The following ASAP2 variants were observed in gnomAD, a reference collection of about 807,000 sequenced individuals.
ASAP2 encodes the protein ArfGAP with SH3 domain, ankyrin repeat and PH domain 2.
A neutral mutation model predicts 131.4 loss-of-function variants in ASAP2; 45 were observed. The observed-to-expected ratio is 0.34, with a 90% CI of 0.27 to 0.44. The LOEUF is 0.44. ASAP2 is among the 20% of genes least tolerant of loss of function. The pLI, the probability that ASAP2 is intolerant of heterozygous loss-of-function variation, is 1.00. For missense variants in ASAP2, 1,011 were observed against 1,297.0 expected (o/e 0.78, Z 3.39); for synonymous variants, 510 against 503.0 (o/e 1.01, Z -0.19).
intron 1 of ASAP2, among the ~76,000 whole-genome samples, chr2:9,235,621 A>G (rs1336728818): frequency 6.6e-6 from 1 of 151,968 alleles, no homozygotes; most frequent in Non-Finnish European, 1.5e-5. Context: ...GGGGCACGTG[A>G]GCTGCTGTGG....
At chr2:9,343,704 C>T (rs1037429697) in intron 9 of ASAP2, among the ~76,000 whole-genome samples, 1 of 152,228 alleles carries the variant, frequency 6.6e-6, no homozygotes, top group African/African-American at 2.4e-5. Context: ...ACCTTGGTCT[C>T]CCCAGATGTT....
At chr2:9,212,382 C>T (rs1192575752) in intron 1 of ASAP2, among the ~76,000 whole-genome samples, 3 of 152,078 alleles carry the variant, frequency 2.0e-5, no homozygotes, top group Admixed American at 6.6e-5. Flanking sequence ...TATATGATGT[C>T]GTACCGTTGA....
chr2:9,249,666 A>G (rs1412101447), intron 1 of ASAP2, among the ~76,000 whole-genome samples: 1 of 152,248 alleles, frequency 6.6e-6, no homozygotes, highest in Non-Finnish European at 1.5e-5. Context: ...GAAAGTTCAC[A>G]GCCTGAGTGA....
chr2:9,254,353 CTTTTT>C (rs777033631), intron 1 of ASAP2, among the ~76,000 whole-genome samples: 2 of 103,952 alleles, frequency 1.9e-5, no homozygotes, highest in South Asian at 3.3e-4. Context: ...ATAAACTAAA[CTTTTT>C]TTTTTTTTTT....
In ASAP2 at chr2:9,403,541, G is replaced by A. The variant is rs1676933167; in HGVS notation, c.*214G>A. 1.4e-5 allele frequency: 7 copies of A among 512,436 alleles called. No individual in the cohort carries two copies. The highest frequency in any genetic ancestry group is 2.1e-5 in the Non-Finnish European group (6 of 292,206). 31.7% of individuals were successfully genotyped at this position (512,436 alleles called of 1,614,324 possible). On this transcript the variant is annotated 3_prime_UTR_variant, in exon 28 of 28. Coordinates refer to ENST00000281419, the MANE Select transcript of ASAP2 (RefSeq NM_003887.3). Reference sequence around the variant, plus strand: ...ATGAAACATTGCTATGCATTTATTAGGAAAAACTGAATTTCCCAACAGGTG... The same window carrying A: ...ATGAAACATTGCTATGCATTTATTAAGAAAAACTGAATTTCCCAACAGGTG...
In ASAP2 at chr2:9,218,811, G is replaced by GT. The variant is rs1369782689; in HGVS notation, c.126+11588dup. ...CTTGCTTTTTTTGGCTGTCGTCTCT[G>GT]TTTTTTTCTTTATCTTGACTATTTA... On this transcript the variant is annotated intron_variant, in intron 1 of 27. Transcript: ENST00000281419. Among the ~76,000 whole-genome samples the GT allele has an allele frequency of 3.9e-5, 6 of 152,246 alleles. No homozygotes were observed. The East Asian group carries it at 1.2e-3, about 29-fold the overall frequency.
chr2:9,313,729 T>A (rs768463808), intron 3 of ASAP2, among the ~76,000 whole-genome samples: 1 of 151,558 alleles, frequency 6.6e-6, no homozygotes, highest in Non-Finnish European at 1.5e-5. Flanking sequence ...TGTAGATGAG[T>A]GGGCAGTGAG....
chr2:9,310,471 G>A (rs778584289), intron 3 of ASAP2, among the ~76,000 whole-genome samples: 6 of 152,212 alleles, frequency 3.9e-5, no homozygotes, highest in Non-Finnish European at 7.3e-5. Context: ...GAGCTGGAAA[G>A]ATTCTGCCCA....
intron 1 of ASAP2, among the ~76,000 whole-genome samples, chr2:9,244,858 A>C (rs543227446): frequency 6.6e-6 from 1 of 152,336 alleles, no homozygotes; most frequent in South Asian, 2.1e-4. Flanking sequence ...GGCATCATAA[A>C]AATCATGGTT....
chr2:9,276,546 T>A (rs1013633250), intron 1 of ASAP2, among the ~76,000 whole-genome samples: 2 of 152,088 alleles, frequency 1.3e-5, no homozygotes, highest in African/African-American at 4.8e-5. Context: ...TTTCTCTTTT[T>A]TTTCTTTTTG....
chr2:9,279,996 A>G (rs1021429615), intron 2 of ASAP2, among the ~76,000 whole-genome samples: 3 of 152,210 alleles, frequency 2.0e-5, no homozygotes, highest in East Asian at 3.9e-4. Flanking sequence ...AATATTTTTT[A>G]AAAGTCGTTA....
chr2:9,277,209 C>T (rs1666816781), intron 1 of ASAP2, among the ~76,000 whole-genome samples: 1 of 152,224 alleles, frequency 6.6e-6, no homozygotes. Flanking sequence ...TGCTGTCTGA[C>T]ATGTGGTCTA....
At chr2:9,234,384 A>G (rs958859347) in intron 1 of ASAP2, among the ~76,000 whole-genome samples, 1 of 152,166 alleles carries the variant, frequency 6.6e-6, no homozygotes, top group Non-Finnish European at 1.5e-5. Flanking sequence ...AGCCTGTCGC[A>G]TGGCTGGGGC....
intron 2 of ASAP2, among the ~76,000 whole-genome samples, chr2:9,284,717 G>A (rs1345995922): frequency 6.6e-6 from 1 of 152,196 alleles, no homozygotes; most frequent in East Asian, 1.9e-4. Flanking sequence ...ATGGGTGTGG[G>A]CGGGTAATAG....
intron 1 of ASAP2, among the ~76,000 whole-genome samples, chr2:9,255,051 G>A (rs952267180): frequency 1.3e-5 from 2 of 152,144 alleles, no homozygotes; most frequent in African/African-American, 4.8e-5. Context: ...CACTAACCAC[G>A]TATGAGAGTT....
In ASAP2 at chr2:9,271,407, C is replaced by T. The variant is rs1666385034; in HGVS notation, c.127-7910C>T. The T allele has an allele frequency of 3.5e-6, 5 of 1,421,512 alleles. No individual in the cohort carries two copies. The East Asian group carries it at 1.1e-4, about 32-fold the overall frequency. 88.1% of individuals were successfully genotyped at this position (1,421,512 alleles called of 1,614,324 possible). On this transcript the variant is annotated intron_variant, in intron 1 of 27. Transcript: ENST00000281419. ...GAATTACTTCTCCATATTCTGGATG[C>T]TCAATTACAGTACCATTGCAGGCAA... is the stretch of plus-strand genomic sequence containing the variant.
intron 12 of ASAP2, among the ~76,000 whole-genome samples, chr2:9,355,016 A>C (rs1672604618): frequency 6.6e-6 from 1 of 152,198 alleles, no homozygotes; most frequent in Non-Finnish European, 1.5e-5. Context: ...GACTGCTTTT[A>C]GACAGAGAAT....
rs533337201 is a variant in ASAP2, at chr2:9,317,989, G to A, written c.346-535G>A. 5.0e-5 allele frequency among the ~76,000 whole-genome samples: 7 copies of A among 140,460 alleles called. 1 individual carries two copies. Among genetic ancestry groups the A allele is most frequent in the East Asian group, 3.9e-4 (2 of 5,132 alleles). 92.1% of individuals were successfully genotyped at this position (140,460 alleles called of 152,430 possible). ...ACACACTCATTGACACACACTCTCC[G>A]TCCCCAACACACACACGTCTTTTCT... On this transcript the variant is annotated intron_variant, in intron 3 of 27. Transcript: ENST00000281419.
At chr2:9,400,961 C>T in intron 26 of ASAP2, 131 bp downstream of exon 26, 1 of 969,814 alleles carries the variant, frequency 1.0e-6, no homozygotes, top group Non-Finnish European at 1.5e-6. Flanking sequence ...TTCTTGGTAC[C>T]TGACTGCTTG....
Sources: allele counts gnomAD v4.1 joint callset (sites outside exome capture counted in the v4.1 genomes callset), GRCh38; gene constraint gnomAD v4.1.1; transcripts MANE v1.5; gene names NCBI Gene and HGNC (gene_info 2026-07-23, HGNC 2026-07-21).